The following NDUFAF7 variants were observed in gnomAD, a reference collection of about 807,000 sequenced individuals.
NDUFAF7 encodes protein arginine methyltransferase NDUFAF7, mitochondrial.
NDUFAF7 carries 48 observed loss-of-function variants against 47.2 expected under a neutral mutation model. The ratio of observed to expected loss-of-function variants is 1.02; its 90% CI spans 0.81 to 1.29. The LOEUF is 1.29. Ranked by LOEUF, NDUFAF7 falls within the 50% of genes most tolerant of loss-of-function variation. NDUFAF7 has a pLI of 0.00. For missense variants in NDUFAF7, 635 were observed against 537.6 expected (o/e 1.18, Z -1.79); for synonymous variants, 217 against 190.0 (o/e 1.14, Z -1.17).
chr2:37,261,893 G>A, the NDUFAF7 span, among the ~76,000 whole-genome samples: 1 of 152,154 alleles, frequency 6.6e-6, no homozygotes, highest in Non-Finnish European at 1.5e-5. Context: ...AACGTATTTT[G>A]AATACCTGCA....
In NDUFAF7 at chr2:37,242,712, A is replaced by T. The variant is rs867942116; in HGVS notation, c.681+19A>T. 15 of 1,552,338 alleles carry T rather than the reference A, an allele frequency of 9.7e-6. No individual in the cohort carries two copies. The highest frequency in any genetic ancestry group is 1.3e-5 in the Non-Finnish European group (15 of 1,124,396). On this transcript the variant is annotated intron_variant, in intron 6 of 9. Coordinates refer to ENST00000002125, the MANE Select transcript of NDUFAF7 (RefSeq NM_144736.5). Reference sequence around the variant, plus strand: ...ATTTCAGGTATTGAGGGGGGAAAAAAGTCATGTCTATAATTGAATACAAAA... The same window carrying T: ...ATTTCAGGTATTGAGGGGGGAAAAATGTCATGTCTATAATTGAATACAAAA...
the NDUFAF7 span, among the ~76,000 whole-genome samples, chr2:37,270,373 A>G: frequency 6.6e-6 from 1 of 151,128 alleles, no homozygotes; most frequent in African/African-American, 2.4e-5. Context: ...AAAAAACTCA[A>G]AAGTTCATAT....
At position 37,249,007 on chromosome 2, in the gene NDUFAF7, A is replaced by T. The variant is rs1322136695; in HGVS notation, c.*657A>T. ...ACAGGAAACTGATAAGATATATGTT[A>T]TTTTTTTAAATGAGCTAGGGCAATA... On this transcript the variant is annotated 3_prime_UTR_variant, in exon 10 of 10. Coordinates refer to ENST00000002125, the MANE Select transcript of NDUFAF7 (RefSeq NM_144736.5). 2 of 152,538 alleles carry T rather than the reference A, an allele frequency of 1.3e-5. No homozygotes were observed. Among genetic ancestry groups the T allele is most frequent in the African/African-American group, 4.8e-5 (2 of 41,436 alleles). The allele number at this position is 152,538 out of a possible 1,614,324, so 9.4% of individuals were successfully genotyped here. A position where few individuals can be genotyped will look rare whatever the true frequency, so the allele number is the denominator to read the frequency against.
At chr2:37,241,832 CA>C (rs778101427) in intron 5 of NDUFAF7, 41 bp downstream of exon 5, 94 of 1,555,836 alleles carry the variant, frequency 6.0e-5, no homozygotes, top group Non-Finnish European at 3.4e-5. Context: ...ATTTTGATCA[CA>C]ACCCTCACAG....
At chr2:37,269,706 G>C in the NDUFAF7 span, 4 of 1,543,014 alleles carry the variant, frequency 2.6e-6, no homozygotes, top group Non-Finnish European at 3.6e-6. Flanking sequence ...ATAAAGTAAG[G>C]AGTTAGTATT....
downstream of NDUFAF7, among the ~76,000 whole-genome samples, chr2:37,249,501 C>T (rs575022228): frequency 6.6e-5 from 10 of 151,196 alleles, no homozygotes; most frequent in Admixed American, 5.3e-4. Context: ...CGCTTGAACC[C>T]GGGAGGCGGA....
chr2:37,241,520 T>G (rs770947354), intron 4 of NDUFAF7, 58 bp from the exon 5 acceptor site: 65 of 1,354,708 alleles, frequency 4.8e-5, no homozygotes, highest in Non-Finnish European at 6.2e-5. Context: ...TGTAAATGAT[T>G]AGGAAACTTA....
At chr2:37,251,447 T>G (rs1667483913), downstream of NDUFAF7, 1 of 152,544 alleles carries the variant, frequency 6.6e-6, no homozygotes, top group Non-Finnish European at 1.5e-5. Context: ...TCATAATGAC[T>G]TAACACTATG....
the NDUFAF7 span, chr2:37,268,673 G>A: frequency 4.9e-6 from 1 of 202,836 alleles, no homozygotes; most frequent in East Asian, 1.5e-4. Context: ...GAGCCCTGAA[G>A]TATGAAAAAA....
the NDUFAF7 span, among the ~76,000 whole-genome samples, chr2:37,261,468 C>G: frequency 6.8e-6 from 1 of 146,914 alleles, no homozygotes; most frequent in Non-Finnish European, 1.5e-5. Flanking sequence ...GCCTGGGAGA[C>G]AGAGCGAGAC....
rs1666464433 is a variant in NDUFAF7, at chr2:37,242,563, TAC to T, written c.623-70_623-69del. The stretch of plus-strand genomic sequence containing the variant: ...TTATGGAGGAAGTAGGCATTTTTTT[TAC>T]AGTTAATATTCAAAAGAATTAATTC... On this transcript the variant is annotated intron_variant, in intron 5 of 9. Coordinates refer to ENST00000002125, the MANE Select transcript of NDUFAF7 (RefSeq NM_144736.5). 8.8e-6 allele frequency: 11 copies of T among 1,257,076 alleles called. No individual in the cohort carries two copies. The South Asian group carries it at 1.4e-4, about 16-fold the overall frequency. 77.9% of individuals were successfully genotyped at this position (1,257,076 alleles called of 1,614,324 possible). A position where few individuals can be genotyped will look rare whatever the true frequency, so the allele number is the denominator to read the frequency against.
intron 7 of NDUFAF7, among the ~76,000 whole-genome samples, chr2:37,245,728 G>A (rs1357029413): frequency 6.6e-6 from 1 of 152,138 alleles, no homozygotes; most frequent in Non-Finnish European, 1.5e-5. Flanking sequence ...AGAGGAATGT[G>A]TTTATATGAT....
the NDUFAF7 span, among the ~76,000 whole-genome samples, chr2:37,265,180 G>A: frequency 2.0e-5 from 3 of 152,066 alleles, no homozygotes; most frequent in East Asian, 1.9e-4. Flanking sequence ...AGAATGACAC[G>A]GGGCAAAGAT....
chr2:37,255,341 C>G (rs993040525), downstream of NDUFAF7, among the ~76,000 whole-genome samples: 9 of 152,170 alleles, frequency 5.9e-5, no homozygotes, highest in African/African-American at 1.9e-4. Context: ...ATTACATGGG[C>G]TGGTTAAATC....
At chr2:37,251,666 T>G (rs1234228683), downstream of NDUFAF7, 6 of 152,070 alleles carry the variant, frequency 3.9e-5, no homozygotes, top group African/African-American at 1.5e-4. Context: ...AGTTAACACT[T>G]TCCTAGTTTT....
chr2:37,271,221 C>G, the NDUFAF7 span, among the ~76,000 whole-genome samples: 1 of 152,062 alleles, frequency 6.6e-6, no homozygotes, highest in Non-Finnish European at 1.5e-5. Flanking sequence ...ACTTCCTTTT[C>G]TAGCCTGTTT....
At chr2:37,252,963 A>T, downstream of NDUFAF7, 1 of 402,094 alleles carries the variant, frequency 2.5e-6, no homozygotes, top group Non-Finnish European at 4.2e-6. Flanking sequence ...AAAAGTTTAT[A>T]AAAAGCTTCA....
chr2:37,246,709 T>G (rs1666947899), intron 8 of NDUFAF7, among the ~76,000 whole-genome samples: 1 of 152,198 alleles, frequency 6.6e-6, no homozygotes, highest in South Asian at 2.1e-4. Context: ...TTGAAAAACA[T>G]TTAACTAAAT....
At chr2:37,256,477 C>T (rs1466239235), downstream of NDUFAF7, among the ~76,000 whole-genome samples, 1 of 151,822 alleles carries the variant, frequency 6.6e-6, no homozygotes, top group Non-Finnish European at 1.5e-5. Flanking sequence ...ATACAGAAGA[C>T]ACAGATAAAA....
Sources: allele counts gnomAD v4.1 joint callset (sites outside exome capture counted in the v4.1 genomes callset), GRCh38; gene constraint gnomAD v4.1.1; transcripts MANE v1.5; gene names NCBI Gene and HGNC (gene_info 2026-07-23, HGNC 2026-07-21).